The following CEP128 variants were observed in gnomAD, a reference collection of about 807,000 sequenced individuals.
The protein encoded by CEP128 is centrosomal protein 128kDa.
CEP128 carries 132 observed loss-of-function variants against 156.7 expected under a neutral mutation model. That is an observed-to-expected ratio of 0.84 (90% CI 0.73 to 0.97). The LOEUF is 0.97. CEP128 is among the 50% of genes least tolerant of loss of function. The probability of loss-of-function intolerance (pLI) is 0.00; values close to 1 mark genes in which losing one functional copy is unlikely to be tolerated. For synonymous variants in CEP128, 469 were observed against 448.9 expected, an observed-to-expected ratio of 1.04 and a Z score of -0.57; for missense variants, 1,252 against 1,281.9, an observed-to-expected ratio of 0.98 and a Z score of 0.36.
chr14:80,903,189 C>T (rs1212396642), intron 6 of CEP128, among the ~76,000 whole-genome samples: 4 of 151,936 alleles, frequency 2.6e-5, no homozygotes, highest in Admixed American at 1.3e-4. Context: ...GGAGAAAACC[C>T]GGAAATAAAC....
chr14:80,590,879 A>C (rs1029283300), intron 19 of CEP128, among the ~76,000 whole-genome samples: 1 of 152,220 alleles, frequency 6.6e-6, no homozygotes, highest in Non-Finnish European at 1.5e-5. Context: ...AAGAATTTTC[A>C]ACCCAGAATT....
intron 16 of CEP128, among the ~76,000 whole-genome samples, chr14:80,763,101 G>C (rs1342259102): frequency 1.3e-5 from 2 of 152,114 alleles, no homozygotes; most frequent in Non-Finnish European, 2.9e-5. Context: ...ACTATAATCA[G>C]ACTATAGGTT....
rs371053238 is a variant in CEP128 at position 80,732,101 on chromosome 14, A to G, written c.2806+10974T>C. 2.5e-4 allele frequency among the ~76,000 whole-genome samples: 38 copies of G among 152,268 alleles called. 5 individuals carry two copies. The highest frequency in any genetic ancestry group is 9.2e-4 in the Admixed American group (14 of 15,276). On this transcript the variant is annotated intron_variant, in intron 19 of 24. Transcript: ENST00000555265. ...GCCCCCATACACAAACATCCATTAC[A>G]TGTTTACTTTCTGTTAAATATAAAA...
intron 2 of CEP128, among the ~76,000 whole-genome samples, chr14:80,931,524 G>A (rs944641270): frequency 6.6e-6 from 1 of 152,312 alleles, no homozygotes; most frequent in East Asian, 1.9e-4. Context: ...CTTTCTAAAG[G>A]TAGATCACTG....
chr14:80,883,123 C>A (rs1888629114), intron 8 of CEP128, among the ~76,000 whole-genome samples: 2 of 152,050 alleles, frequency 1.3e-5, no homozygotes, highest in South Asian at 2.1e-4. Context: ...GTGATTATTA[C>A]ACATTGCATG....
chr14:80,845,700 G>A (rs143077851), intron 9 of CEP128, among the ~76,000 whole-genome samples: 1 of 151,950 alleles, frequency 6.6e-6, no homozygotes, highest in South Asian at 2.1e-4. Context: ...GGTTTAGAAG[G>A]GTTTTTTTTG....
chr14:80,899,617 C>T (rs1292598431), intron 7 of CEP128, among the ~76,000 whole-genome samples: 3 of 152,168 alleles, frequency 2.0e-5, no homozygotes, highest in African/African-American at 4.8e-5. Context: ...AGTCAGGTAG[C>T]GAGTCGGTCT....
chr14:80,745,995 T>C (rs2139612228), intron 18 of CEP128, among the ~76,000 whole-genome samples: 1 of 152,172 alleles, frequency 6.6e-6, no homozygotes, highest in South Asian at 2.1e-4. Flanking sequence ...AAGATAATCA[T>C]ATTTACAATA....
chr14:80,537,274 A>G (rs1889527509), intron 21 of CEP128, among the ~76,000 whole-genome samples: 1 of 152,164 alleles, frequency 6.6e-6, no homozygotes, highest in African/African-American at 2.4e-5. Context: ...CAGTCAACCC[A>G]TTATCTTACT....
chr14:80,514,854 A>C (rs1169894313), intron 23 of CEP128, among the ~76,000 whole-genome samples: 1 of 152,158 alleles, frequency 6.6e-6, no homozygotes. Context: ...GTTTGGATCC[A>C]TCCTTTCTGA....
chr14:80,853,301 A>G (rs1886985893), intron 9 of CEP128, among the ~76,000 whole-genome samples: 1 of 151,802 alleles, frequency 6.6e-6, no homozygotes, highest in South Asian at 2.1e-4. Context: ...AACCAGTGCA[A>G]TAAGATAAAA....
intron 2 of CEP128, among the ~76,000 whole-genome samples, chr14:80,920,443 G>C (rs1195525889): frequency 2.0e-5 from 3 of 152,126 alleles, no homozygotes; most frequent in Non-Finnish European, 2.9e-5. Flanking sequence ...AAAAAGAAAA[G>C]TACAAAGCAA....
chr14:80,816,582 T>C (rs1366239624), intron 13 of CEP128, among the ~76,000 whole-genome samples: 1 of 152,198 alleles, frequency 6.6e-6, no homozygotes, highest in Non-Finnish European at 1.5e-5. Flanking sequence ...AAGCAGACTA[T>C]AGTCTCTACC....
chr14:80,769,276 GTTGT>G (rs1900393934), intron 16 of CEP128, among the ~76,000 whole-genome samples: 2 of 149,330 alleles, frequency 1.3e-5, no homozygotes, highest in African/African-American at 4.9e-5. Context: ...TTTATTCTGA[GTTGT>G]TTTTTTTTTT....
downstream of CEP128, among the ~76,000 whole-genome samples, chr14:80,495,388 G>A (rs1887458504): frequency 6.6e-6 from 1 of 152,150 alleles, no homozygotes; most frequent in Non-Finnish European, 1.5e-5. Flanking sequence ...ATATAAACAG[G>A]AGGCCAAGGA....
intron 19 of CEP128, among the ~76,000 whole-genome samples, chr14:80,732,659 T>C (rs1898336439): frequency 6.6e-6 from 1 of 152,202 alleles, no homozygotes; most frequent in Non-Finnish European, 1.5e-5. Context: ...TTCTGTAAGA[T>C]GTCACTCTTA....
chr14:80,839,884 G>A (rs1202304346), intron 10 of CEP128, among the ~76,000 whole-genome samples: 1 of 152,054 alleles, frequency 6.6e-6, no homozygotes, highest in African/African-American at 2.4e-5. Context: ...AATCATACTT[G>A]AAGCAAAATG....
At position 80,836,057 on chromosome 14, in the gene CEP128, C is replaced by G. The variant is rs531837373; in HGVS notation, c.1057+148G>C. 6.4e-6 allele frequency: 5 copies of G among 786,824 alleles called. No individual in the cohort carries two copies. The East Asian group carries it at 1.3e-4, about 21-fold the overall frequency. The allele number at this position is 786,824 out of a possible 1,614,324, so 48.7% of individuals were successfully genotyped here. On this transcript the variant is annotated intron_variant, in intron 12 of 24. Coordinates refer to ENST00000555265, the MANE Select transcript of CEP128 (RefSeq NM_152446.5). ...TGGGATGATGCTGAATTATTATCAA[C>G]TTATCAGAAAATGTTTAATAGATCA...
intron 21 of CEP128, among the ~76,000 whole-genome samples, chr14:80,557,939 A>G (rs1890505282): frequency 1.3e-5 from 2 of 152,090 alleles, no homozygotes; most frequent in African/African-American, 4.8e-5. Flanking sequence ...TAATATTTTT[A>G]TCACTCTTTA....
Sources: allele counts gnomAD v4.1 joint callset (sites outside exome capture counted in the v4.1 genomes callset), GRCh38; gene constraint gnomAD v4.1.1; transcripts MANE v1.5; gene names NCBI Gene and HGNC (gene_info 2026-07-23, HGNC 2026-07-21).